Variants in XRRA1 observed in about 807,000 individuals in gnomAD.
The protein encoded by XRRA1 is X-ray radiation resistance associated 1.
XRRA1 carries 69 observed loss-of-function variants against 80.2 expected under a neutral mutation model. The ratio of observed to expected loss-of-function variants is 0.86; its 90% CI spans 0.71 to 1.05. The LOEUF is 1.05. XRRA1 is among the 50% of genes least tolerant of loss of function. The probability of loss-of-function intolerance (pLI) is 0.00; values close to 1 mark genes in which losing one functional copy is unlikely to be tolerated. For missense variants in XRRA1, 967 were observed against 976.4 expected (o/e 0.99, Z 0.13); for synonymous variants, 348 against 389.9 (o/e 0.89, Z 1.27).
intron 10 of XRRA1, among the ~76,000 whole-genome samples, chr11:74,869,702 GTT>G (rs1330204701): frequency 3.3e-5 from 5 of 152,096 alleles, no homozygotes. Context: ...GTTCTAATGA[GTT>G]TTTCATACCC....
intron 10 of XRRA1, among the ~76,000 whole-genome samples, chr11:74,865,046 G>C (rs2043099299): frequency 6.7e-6 from 1 of 150,364 alleles, no homozygotes; most frequent in Non-Finnish European, 1.5e-5. Flanking sequence ...TCTGACCCCT[G>C]TCACTACAGT....
chr11:74,917,026 A>G (rs921384641), intron 8 of XRRA1, among the ~76,000 whole-genome samples: 7 of 152,250 alleles, frequency 4.6e-5, no homozygotes, highest in Admixed American at 4.6e-4. Context: ...GAGGATTAAG[A>G]AAAGAAATCC....
In XRRA1 at chr11:74,946,622, T is replaced by C. The variant is rs117948204; in HGVS notation, c.-72-1537A>G. Among the ~76,000 whole-genome samples the C allele has an allele frequency of 5.2e-3, 791 of 152,374 alleles. 6 individuals carry two copies. Among genetic ancestry groups the C allele is most frequent in the Non-Finnish European group, 7.5e-3 (512 of 68,028 alleles). Reference sequence around the variant, plus strand: ...TCTTGAGCAGTTCTTTATAGCAGTGTGAAAATGGACTAATACAGGCACTAT... The same window carrying C: ...TCTTGAGCAGTTCTTTATAGCAGTGCGAAAATGGACTAATACAGGCACTAT... On this transcript the variant is annotated intron_variant, in intron 1 of 18. Coordinates refer to ENST00000684022, the MANE Select transcript of XRRA1 (RefSeq NM_001378157.1).
At chr11:74,859,370 T>G in intron 11 of XRRA1, 87 bp from the exon 12 acceptor site, 1 of 1,423,388 alleles carries the variant, frequency 7.0e-7, no homozygotes, top group Non-Finnish European at 9.4e-7. Flanking sequence ...TGGAACAGGG[T>G]GGAATGAATG....
At chr11:74,921,126 T>C (rs1391284029) in intron 8 of XRRA1, 88 bp downstream of exon 8, 4 of 1,533,552 alleles carry the variant, frequency 2.6e-6, no homozygotes, top group Non-Finnish European at 3.6e-6. Context: ...TTACAGCCTA[T>C]CTTTATGGCA....
chr11:74,941,255 T>C (rs1171034748), intron 2 of XRRA1, among the ~76,000 whole-genome samples: 1 of 151,908 alleles, frequency 6.6e-6, no homozygotes, highest in Non-Finnish European at 1.5e-5. Flanking sequence ...AATACCTACC[T>C]TAAAAGACAA....
At chr11:74,936,742 CTGGCTGTACTCAATT>C (rs1945081082) in intron 4 of XRRA1, 127 bp downstream of exon 4, 1 of 1,087,272 alleles carries the variant, frequency 9.2e-7, no homozygotes, top group African/African-American at 1.6e-5. Flanking sequence ...CTTCATTATC[CTGGCTGTACTCAATT>C]TGCCAATATC....
At chr11:74,919,712 C>T in intron 8 of XRRA1, 1 of 498,968 alleles carries the variant, frequency 2.0e-6, no homozygotes, top group South Asian at 1.7e-5. Flanking sequence ...AGAAGCATGC[C>T]CCTTGAGCAC....
intron 8 of XRRA1, among the ~76,000 whole-genome samples, chr11:74,914,789 A>G (rs781728504): frequency 6.6e-6 from 1 of 150,688 alleles, no homozygotes; most frequent in African/African-American, 2.5e-5. Context: ...ACAGGATACT[A>G]TGTGATCATG....
At chr11:74,901,395 C>T (rs2053554127) in intron 10 of XRRA1, among the ~76,000 whole-genome samples, 1 of 152,038 alleles carries the variant, frequency 6.6e-6, no homozygotes, top group Non-Finnish European at 1.5e-5. Flanking sequence ...AATACAATCC[C>T]TACAAAATAC....
intron 8 of XRRA1, among the ~76,000 whole-genome samples, chr11:74,910,446 A>G (rs984942577): frequency 6.6e-6 from 1 of 152,230 alleles, no homozygotes; most frequent in African/African-American, 2.4e-5. Context: ...AAAACAAGCA[A>G]TAGAGTAGTC....
intron 10 of XRRA1, among the ~76,000 whole-genome samples, chr11:74,883,399 G>A (rs1442837670): frequency 1.3e-5 from 2 of 152,128 alleles, no homozygotes; most frequent in Non-Finnish European, 2.9e-5. Flanking sequence ...CCACTGACCT[G>A]CGCCCACTGT....
chr11:74,932,865 T>G lies in XRRA1; in HGVS notation c.351+936A>C, dbSNP rs140577891. On this transcript the variant is annotated intron_variant, in intron 5 of 18. Transcript: ENST00000684022. ...GCAGAACCCTGTTAAAGGAGCAGTC[T>G]GCTTTACCACAAACTTGGCCATCCT... 1.8e-3 allele frequency among the ~76,000 whole-genome samples: 275 copies of G among 152,336 alleles called. 7 individuals carry two copies. In the East Asian group the frequency reaches 0.032, roughly 18 times the overall value.
intron 10 of XRRA1, among the ~76,000 whole-genome samples, chr11:74,883,127 G>A (rs2048113006): frequency 1.3e-5 from 2 of 152,232 alleles, no homozygotes; most frequent in Non-Finnish European, 2.9e-5. Context: ...CCGCCTTGCA[G>A]TTTGATCTCA....
At chr11:74,942,186 T>G (rs906322292) in intron 2 of XRRA1, among the ~76,000 whole-genome samples, 1 of 147,634 alleles carries the variant, frequency 6.8e-6, no homozygotes, top group African/African-American at 2.5e-5. Context: ...AACCGGGGGG[T>G]GGAGAGTGGG....
At chr11:74,875,933 C>A (rs1175566992) in intron 10 of XRRA1, among the ~76,000 whole-genome samples, 1 of 152,160 alleles carries the variant, frequency 6.6e-6, no homozygotes, top group Non-Finnish European at 1.5e-5. Context: ...GATGGGAAGC[C>A]ATCCAGGGAA....
intron 10 of XRRA1, among the ~76,000 whole-genome samples, chr11:74,870,155 T>G (rs1318981315): frequency 1.3e-5 from 2 of 152,230 alleles, no homozygotes; most frequent in Non-Finnish European, 2.9e-5. Flanking sequence ...GCCACCCATC[T>G]CAAGACTTAG....
Position 74,932,237 on chromosome 11 carries a change from G to C in XRRA1, c.351+1564C>G, listed in dbSNP as rs1943781298. On this transcript the variant is annotated intron_variant, in intron 5 of 18. Coordinates refer to ENST00000684022, the MANE Select transcript of XRRA1 (RefSeq NM_001378157.1). ...TAGATATTTTTAATTAAATTTCATA[G>C]ATATTTTCCTTTATGGTTTAACCAC... is the stretch of plus-strand genomic sequence containing the variant. 5.3e-5 allele frequency among the ~76,000 whole-genome samples: 8 copies of C among 152,242 alleles called. No homozygotes were observed. The South Asian group carries it at 1.7e-3, about 32-fold the overall frequency.
chr11:74,897,112 G>A (rs986297279), intron 10 of XRRA1, among the ~76,000 whole-genome samples: 1 of 151,990 alleles, frequency 6.6e-6, no homozygotes, highest in Non-Finnish European at 1.5e-5. Flanking sequence ...GAAACTCAAA[G>A]AAATTCAAGA....
Sources: gnomAD v4.1 joint callset for allele counts (sites outside exome capture counted in the v4.1 genomes callset) on GRCh38, gnomAD v4.1.1 for gene constraint, MANE v1.5 for transcripts, NCBI Gene and HGNC (gene_info 2026-07-23, HGNC 2026-07-21) for gene names.